The following DLC1 variants were observed in gnomAD, a reference collection of about 807,000 sequenced individuals.
DLC1 encodes rho GTPase-activating protein 7.
Under a neutral mutation model 140.3 loss-of-function variants are expected in DLC1, and 54 were observed. That is an observed-to-expected ratio of 0.38 (90% CI 0.31 to 0.48). The LOEUF is 0.48. Ranked by LOEUF, DLC1 falls within the 20% of genes least tolerant of loss-of-function variation. The pLI is 0.96. For synonymous variants in DLC1, 986 were observed against 728.1 expected (o/e 1.35, Z -5.70); for missense variants, 2,536 against 1,907.0 (o/e 1.33, Z -6.14).
intron 2 of DLC1, among the ~76,000 whole-genome samples, chr8:13,467,845 T>G (rs1046213638): frequency 1.1e-4 from 16 of 152,328 alleles, no homozygotes; most frequent in African/African-American, 3.6e-4. Context: ...TATACAAATT[T>G]TAAAATAACA....
intron 1 of DLC1, among the ~76,000 whole-genome samples, chr8:13,594,944 T>C (rs1254745069): frequency 6.6e-6 from 1 of 152,078 alleles, no homozygotes; most frequent in African/African-American, 2.4e-5. Flanking sequence ...TGACTATTGA[T>C]TGATTCTTAA....
At chr8:13,356,511 C>T (rs73203978) in intron 4 of DLC1, among the ~76,000 whole-genome samples, 12,019 of 152,268 alleles carry the variant, frequency 0.079, 571 homozygotes, top group Middle Eastern at 0.11. Flanking sequence ...CCTATGTAGA[C>T]ATTTCTGCTT....
intron 5 of DLC1, among the ~76,000 whole-genome samples, chr8:13,258,866 G>A (rs927043293): frequency 2.6e-5 from 4 of 152,192 alleles, no homozygotes; most frequent in South Asian, 2.1e-4. Context: ...GGCCGGGCGC[G>A]GTGGCTCACG....
intron 2 of DLC1, among the ~76,000 whole-genome samples, chr8:13,472,372 G>A (rs1265687617): frequency 6.6e-6 from 1 of 152,048 alleles, no homozygotes; most frequent in Non-Finnish European, 1.5e-5. Context: ...ATGAGAAGGT[G>A]GAAATTTTGT....
At chr8:13,524,853 A>C (rs1011369495) in intron 1 of DLC1, among the ~76,000 whole-genome samples, 3 of 152,186 alleles carry the variant, frequency 2.0e-5, no homozygotes, top group Admixed American at 2.0e-4. Context: ...CTGACACAAT[A>C]AACTCTACAT....
intron 2 of DLC1, among the ~76,000 whole-genome samples, chr8:13,428,710 G>C (rs1009865193): frequency 7.1e-6 from 1 of 140,926 alleles, no homozygotes; most frequent in African/African-American, 2.7e-5. Context: ...AAAAACCTAT[G>C]CAAGATGGAT....
At chr8:13,465,124 T>C (rs1481333885) in intron 2 of DLC1, among the ~76,000 whole-genome samples, 1 of 152,194 alleles carries the variant, frequency 6.6e-6, no homozygotes, top group Non-Finnish European at 1.5e-5. Flanking sequence ...ATTGATATGC[T>C]ACAAAGTATT....
intron 4 of DLC1, among the ~76,000 whole-genome samples, chr8:13,365,549 A>G (rs577362198): frequency 1.3e-5 from 2 of 152,110 alleles, no homozygotes; most frequent in African/African-American, 2.4e-5. Context: ...GATGCATGAG[A>G]TGTTACCAAT....
At chr8:13,517,271 C>T (rs777985050), upstream of DLC1, among the ~76,000 whole-genome samples, 2 of 152,110 alleles carry the variant, frequency 1.3e-5, no homozygotes, top group Admixed American at 1.3e-4. Context: ...ACATTTTATT[C>T]ATGAATACTG....
At chr8:13,542,037 C>G (rs1803502259) in intron 1 of DLC1, among the ~76,000 whole-genome samples, 1 of 152,056 alleles carries the variant, frequency 6.6e-6, no homozygotes, top group African/African-American at 2.4e-5. Context: ...TTAAGAATAT[C>G]TTTTGAGGGG....
At chr8:13,355,733 C>T (rs1834910996) in intron 4 of DLC1, among the ~76,000 whole-genome samples, 1 of 152,056 alleles carries the variant, frequency 6.6e-6, no homozygotes, top group Non-Finnish European at 1.5e-5. Flanking sequence ...AACTTGAAGT[C>T]CTGGAAAGTA....
At chr8:13,604,550 T>C (rs1019878448) in exon 1 of DLC1, 25 of 152,192 alleles carry the variant, frequency 1.6e-4, no homozygotes, top group African/African-American at 5.8e-4. Flanking sequence ...GTTAATCACA[T>C]GTGTTATTCC....
chr8:13,128,607 C>A (rs893232221), intron 5 of DLC1, among the ~76,000 whole-genome samples: 1 of 152,106 alleles, frequency 6.6e-6, no homozygotes, highest in African/African-American at 2.4e-5. Context: ...CCGAGGCGGG[C>A]GGATCACGAG....
intron 1 of DLC1, among the ~76,000 whole-genome samples, chr8:13,564,920 C>T (rs921629021): frequency 3.9e-5 from 6 of 152,208 alleles, no homozygotes; most frequent in African/African-American, 1.4e-4. Flanking sequence ...CCACAAGCAG[C>T]CTTCAGCCAC....
At chr8:13,431,235 A>G (rs956160999) in intron 2 of DLC1, among the ~76,000 whole-genome samples, 1 of 152,170 alleles carries the variant, frequency 6.6e-6, no homozygotes, top group African/African-American at 2.4e-5. Flanking sequence ...CTGTAATCCC[A>G]GCACTTTGAG....
At chr8:13,496,580 A>G (rs1041712505) in intron 2 of DLC1, among the ~76,000 whole-genome samples, 5 of 124,786 alleles carry the variant, frequency 4.0e-5, no homozygotes, top group African/African-American at 1.4e-4. Context: ...ATATATATAC[A>G]CACACACACA....
intron 5 of DLC1, among the ~76,000 whole-genome samples, chr8:13,265,329 T>TA (rs1009546315): frequency 6.6e-6 from 1 of 152,050 alleles, no homozygotes; most frequent in Non-Finnish European, 1.5e-5. Context: ...TTACTTTAAA[T>TA]AAAAAATGGT....
chr8:13,187,886 C>G (rs1043310154), intron 5 of DLC1, among the ~76,000 whole-genome samples: 1 of 152,094 alleles, frequency 6.6e-6, no homozygotes, highest in Admixed American at 6.6e-5. Context: ...ATAGTTGTTT[C>G]TTTGTATGGT....
Position 13,090,414 on chromosome 8 carries a change from G to C in DLC1, c.3912C>G (p.Pro1304=), listed in dbSNP as rs966350070. The C allele has an allele frequency of 1.9e-6, 3 of 1,614,184 alleles. No individual in the cohort carries two copies. The highest frequency in any genetic ancestry group is 2.5e-6 in the Non-Finnish European group (3 of 1,180,044). The change falls in exon 15 of 18, where the codon CCC becomes CCG. Residue 1304 remains proline, a synonymous_variant. Coordinates refer to ENST00000276297, the MANE Select transcript of DLC1 (RefSeq NM_182643.3). ...RNSYTEQELK[P]LTLEALGHLG... is the part of the protein sequence containing the mutation. ...GGTGCCCGAGTGCTTCCAGAGTGAG[G>C]GGCTTCAGCTCTTGTTCGGTATAGG...
Sources: allele counts gnomAD v4.1 joint callset (sites outside exome capture counted in the v4.1 genomes callset), GRCh38; gene constraint gnomAD v4.1.1; transcripts MANE v1.5; gene names NCBI Gene and HGNC (gene_info 2026-07-23, HGNC 2026-07-21).